The following TSHZ2 variants were observed in gnomAD, a reference collection of about 807,000 sequenced individuals.
TSHZ2 encodes the protein teashirt homolog 2.
In TSHZ2, 21 loss-of-function variants were observed where a neutral mutation model predicts 74.4. The observed-to-expected ratio is 0.28, with a 90% CI of 0.20 to 0.41. TSHZ2 has a LOEUF of 0.41. Ranked by LOEUF, TSHZ2 falls within the 10% of genes least tolerant of loss-of-function variation. TSHZ2 has a pLI of 1.00. For missense variants in TSHZ2, 1,244 were observed against 1,293.5 expected, an observed-to-expected ratio of 0.96 and a Z score of 0.59; for synonymous variants, 540 against 515.3, an observed-to-expected ratio of 1.05 and a Z score of -0.65.
chr20:53,383,824 C>T (rs567166141), intron 2 of TSHZ2, among the ~76,000 whole-genome samples: 44 of 152,232 alleles, frequency 2.9e-4, no homozygotes, highest in African/African-American at 1.1e-3. Flanking sequence ...TCCATTTCCT[C>T]ATAAACGCTC....
At chr20:53,349,886 G>A (rs1282520430) in intron 2 of TSHZ2, among the ~76,000 whole-genome samples, 1 of 152,106 alleles carries the variant, frequency 6.6e-6, no homozygotes, top group Non-Finnish European at 1.5e-5. Context: ...TGTCAGCTTC[G>A]TAGAGAAAAA....
chr20:53,458,468 T>G (rs1313424527), intron 2 of TSHZ2, among the ~76,000 whole-genome samples: 4 of 152,174 alleles, frequency 2.6e-5, no homozygotes, highest in Non-Finnish European at 5.9e-5. Context: ...TTATTAGTCT[T>G]GCTAGCAGTC....
At chr20:53,080,642 G>A (rs568929690) in intron 1 of TSHZ2, among the ~76,000 whole-genome samples, 1 of 152,200 alleles carries the variant, frequency 6.6e-6, no homozygotes, top group Admixed American at 6.5e-5. Context: ...TTCACAACAG[G>A]GTTCGTACTC....
chr20:53,371,348 C>A (rs975078978), intron 2 of TSHZ2, among the ~76,000 whole-genome samples: 7 of 152,232 alleles, frequency 4.6e-5, no homozygotes, highest in Admixed American at 2.6e-4. Flanking sequence ...TTTACAAAAT[C>A]TGTCTCTCCA....
intron 1 of TSHZ2, among the ~76,000 whole-genome samples, chr20:53,224,867 A>G (rs1463640840): frequency 1.3e-5 from 2 of 152,008 alleles, no homozygotes; most frequent in Non-Finnish European, 2.9e-5. Context: ...AAAAAAAAAA[A>G]AAAGAACTTA....
chr20:53,472,797 C>T (rs940932219), intron 2 of TSHZ2, among the ~76,000 whole-genome samples: 15 of 151,452 alleles, frequency 9.9e-5, no homozygotes, highest in East Asian at 4.0e-4. Flanking sequence ...TCAGTGGGTG[C>T]GCGCACCGTG....
At chr20:53,383,047 G>A (rs1981913861) in intron 2 of TSHZ2, among the ~76,000 whole-genome samples, 1 of 152,194 alleles carries the variant, frequency 6.6e-6, no homozygotes, top group Non-Finnish European at 1.5e-5. Flanking sequence ...GATCACCTGA[G>A]GTTCGGAGGT....
At chr20:53,438,671 T>C (rs1984190801) in intron 2 of TSHZ2, among the ~76,000 whole-genome samples, 1 of 152,096 alleles carries the variant, frequency 6.6e-6, no homozygotes, top group Non-Finnish European at 1.5e-5. Context: ...AAATAAAAAT[T>C]AGGGCTGGGC....
intron 2 of TSHZ2, among the ~76,000 whole-genome samples, chr20:53,268,865 G>A (rs1414792871): frequency 1.3e-5 from 2 of 152,090 alleles, no homozygotes; most frequent in African/African-American, 4.8e-5. Flanking sequence ...CAGGCTTCGG[G>A]GTCAGACACA....
chr20:53,049,031 G>A (rs1442035732), intron 1 of TSHZ2, among the ~76,000 whole-genome samples: 4 of 152,182 alleles, frequency 2.6e-5, no homozygotes, highest in Non-Finnish European at 4.4e-5. Flanking sequence ...GAAATGGACA[G>A]AATAATCATA....
At chr20:53,486,863 G>T (rs961307011) in intron 2 of TSHZ2, among the ~76,000 whole-genome samples, 7 of 152,082 alleles carry the variant, frequency 4.6e-5, no homozygotes, top group African/African-American at 1.4e-4. Context: ...CCCAGCCCCA[G>T]TAGACCCTAG....
chr20:53,119,019 C>T (rs956218391), intron 1 of TSHZ2, among the ~76,000 whole-genome samples: 2 of 152,044 alleles, frequency 1.3e-5, no homozygotes, highest in Admixed American at 6.5e-5. Flanking sequence ...CAAGAACTCA[C>T]TATCATTAGA....
At chr20:53,029,597 AC>A (rs1983564746) in intron 1 of TSHZ2, among the ~76,000 whole-genome samples, 2 of 152,112 alleles carry the variant, frequency 1.3e-5, no homozygotes, top group South Asian at 2.1e-4. Flanking sequence ...AATTGCTTGA[AC>A]CCTGGAGGTG....
intron 1 of TSHZ2, among the ~76,000 whole-genome samples, chr20:53,252,219 T>A (rs1990348247): frequency 6.6e-6 from 1 of 152,206 alleles, no homozygotes; most frequent in African/African-American, 2.4e-5. Context: ...CTCTTCTAAT[T>A]CTCCGTGCCT....
At chr20:53,318,281 A>G (rs1176711821) in intron 2 of TSHZ2, among the ~76,000 whole-genome samples, 1 of 152,102 alleles carries the variant, frequency 6.6e-6, no homozygotes, top group Non-Finnish European at 1.5e-5. Context: ...GGTTTTCCCA[A>G]CCCCTTTCTG....
chr20:53,220,875 C>CAAGGTGACAGCATCTGCT (rs1218718400), intron 1 of TSHZ2, among the ~76,000 whole-genome samples: 1 of 152,250 alleles, frequency 6.6e-6, no homozygotes, highest in East Asian at 1.9e-4. Flanking sequence ...TTCTGCATCT[C>CAAGGTGACAGCATCTGCT]AAGGTGACAG....
intron 2 of TSHZ2, among the ~76,000 whole-genome samples, chr20:53,328,607 G>A (rs1482991145): frequency 3.9e-5 from 6 of 152,128 alleles, no homozygotes; most frequent in African/African-American, 1.2e-4. Context: ...GCATTTTCTT[G>A]TCTAATTTGA....
chr20:53,038,670 G>A (rs1262952355), intron 1 of TSHZ2, among the ~76,000 whole-genome samples: 2 of 152,008 alleles, frequency 1.3e-5, no homozygotes, highest in African/African-American at 2.4e-5. Flanking sequence ...TACACCAACC[G>A]CTTTTTAACA....
chr20:53,064,965 C>T (rs182050654), intron 1 of TSHZ2, among the ~76,000 whole-genome samples: 3 of 152,248 alleles, frequency 2.0e-5, no homozygotes, highest in South Asian at 2.1e-4. Flanking sequence ...TGTTAATAGA[C>T]CTATTTGATG....
Sources: allele counts gnomAD v4.1 joint callset (sites outside exome capture counted in the v4.1 genomes callset), GRCh38; gene constraint gnomAD v4.1.1; transcripts MANE v1.5; gene names NCBI Gene and HGNC (gene_info 2026-07-23, HGNC 2026-07-21).